ANKRD46: variants seen among roughly 807,000 people sequenced by gnomAD.
ANKRD46 encodes the protein ankyrin repeat domain 46.
In ANKRD46, 13 loss-of-function variants were observed where a neutral mutation model predicts 19.8. The observed-to-expected ratio is 0.66, with a 90% CI of 0.43 to 1.04. ANKRD46 has a LOEUF of 1.04. Ranked by LOEUF, ANKRD46 falls within the 50% of genes least tolerant of loss-of-function variation. The probability of loss-of-function intolerance (pLI) is 0.00; values close to 1 mark genes in which losing one functional copy is unlikely to be tolerated. For synonymous variants in ANKRD46, 91 were observed against 106.9 expected (o/e 0.85, Z 0.92); for missense variants, 185 against 274.8 (o/e 0.67, Z 2.31).
chr8:100,558,470 A>C (rs961559437), intron 1 of ANKRD46, among the ~76,000 whole-genome samples: 4 of 152,220 alleles, frequency 2.6e-5, no homozygotes, highest in African/African-American at 9.6e-5. Flanking sequence ...ATTCATCTCT[A>C]TTTCAAATCA....
chr8:100,516,642 T>C (rs945017637), downstream of ANKRD46, among the ~76,000 whole-genome samples: 1 of 152,218 alleles, frequency 6.6e-6, no homozygotes, highest in African/African-American at 2.4e-5. Flanking sequence ...TACAGTTGCT[T>C]GTGGTGAAAC....
chr8:100,510,617 C>T lies in ANKRD46; in HGVS notation c.659G>A (p.Ser220Asn). The T allele has an allele frequency of 6.5e-7, 1 of 1,535,530 alleles. No homozygotes were observed. The highest frequency in any genetic ancestry group is 1.2e-5 in the South Asian group (1 of 84,018). Residue 220 changes from serine to asparagine, a missense_variant, in exon 6 of 6, where the codon AGC (serine) becomes AAC (asparagine). Transcript: ENST00000520552. This position sits in a 1 kb window ranked among gnomAD's most constrained non-coding sequence, Gnocchi z 4.9. ...TCGGCTTCTGTCTTGCCTTGCAAAG[C>T]TTCCAAGCCTCAGTGTCCTTCTCTG...
At chr8:100,539,483 A>G (rs1451416971) in intron 1 of ANKRD46, among the ~76,000 whole-genome samples, 1 of 152,228 alleles carries the variant, frequency 6.6e-6, no homozygotes, top group African/African-American at 2.4e-5. Flanking sequence ...AAGGCTCAAT[A>G]ATAACAGAAG....
intron 1 of ANKRD46, among the ~76,000 whole-genome samples, chr8:100,547,701 G>T (rs1315975232): frequency 1.3e-5 from 2 of 152,160 alleles, no homozygotes; most frequent in Non-Finnish European, 2.9e-5. Flanking sequence ...TCTGCCAATG[G>T]TAACAATATC....
chr8:100,515,141 T>TC (rs1563923019), intron 5 of ANKRD46, among the ~76,000 whole-genome samples: 1 of 152,238 alleles, frequency 6.6e-6, no homozygotes, highest in East Asian at 1.9e-4. Flanking sequence ...CATTTTATAA[T>TC]CCCAGGGCTT....
Position 100,559,712 on chromosome 8 carries a change from T to TGCG in ANKRD46, c.-135_-133dup, listed in dbSNP as rs1812576421. 1 of 152,954 alleles carries TGCG rather than the reference T, an allele frequency of 6.5e-6. No homozygotes were observed. The highest frequency in any genetic ancestry group is 2.4e-5 in the African/African-American group (1 of 41,470). The allele number at this position is 152,954 out of a possible 1,614,324, so 9.5% of individuals were successfully genotyped here. ...GCCCACAGGCCCCGGGCCAAGTACC[T>TGCG]GCGACTCGAACGAGCAGCAGCGACA... On this transcript the variant is annotated splice_region_variant and 5_prime_UTR_variant, in exon 1 of 5. Coordinates refer to ENST00000335659, the MANE Select transcript of ANKRD46 (RefSeq NM_001270377.2). This position sits in a 1 kb window ranked among gnomAD's most constrained non-coding sequence, Gnocchi z 6.0.
chr8:100,540,685 G>A (rs1812158331), intron 1 of ANKRD46, among the ~76,000 whole-genome samples: 1 of 152,236 alleles, frequency 6.6e-6, no homozygotes, highest in Non-Finnish European at 1.5e-5. Flanking sequence ...CATTATTAAA[G>A]TTTAGTTACA....
rs570655589 is a variant in ANKRD46, at chr8:100,532,544, A to G, written c.-28+665T>C. ...ATGAGAAGAATTTACTCAATAAAAT[A>G]GTCAAGAATTCTTTTGCGAGGGTAA... On this transcript the variant is annotated intron_variant, in intron 2 of 4. Transcript: ENST00000335659. This position sits in a 1 kb window ranked among gnomAD's most constrained non-coding sequence, Gnocchi z 4.7. The G allele has an allele frequency of 1.3e-5, 2 of 152,340 alleles. No individual in the cohort carries two copies. Among genetic ancestry groups the G allele is most frequent in the Admixed American group, 1.3e-4 (2 of 15,306 alleles). The allele number at this position is 152,340 out of a possible 1,614,324, so 9.4% of individuals were successfully genotyped here. A position where few individuals can be genotyped will look rare whatever the true frequency, so the allele number is the denominator to read the frequency against.
intron 2 of ANKRD46, among the ~76,000 whole-genome samples, chr8:100,530,681 G>C (rs1811943018): frequency 6.6e-6 from 1 of 152,046 alleles, no homozygotes; most frequent in Non-Finnish European, 1.5e-5. Context: ...CACCGCGCCT[G>C]GCCTATAGCA....
rs537493080 is a variant in ANKRD46, at chr8:100,543,918, T to C, written c.-130-10607A>G. Among the ~76,000 whole-genome samples the C allele has an allele frequency of 5.3e-5, 8 of 152,310 alleles. No individual in the cohort carries two copies. The highest frequency in any genetic ancestry group is 1.5e-5 in the Non-Finnish European group (1 of 68,028). On this transcript the variant is annotated intron_variant, in intron 1 of 4. Coordinates refer to ENST00000335659, the MANE Select transcript of ANKRD46 (RefSeq NM_001270377.2). The surrounding 1 kb of genome is among the most constrained non-coding windows in gnomAD (Gnocchi z 4.2). ...TCTCTCTGGCCCAAATTTTTCTTTT[T>C]AATTATATTTTATTGGATGGTTTCA...
chr8:100,542,905 G>T (rs967062416), intron 1 of ANKRD46, among the ~76,000 whole-genome samples: 1 of 151,986 alleles, frequency 6.6e-6, no homozygotes, highest in Non-Finnish European at 1.5e-5. Context: ...ATAAGACAGC[G>T]AATTACAGCA....
At chr8:100,558,888 C>G (rs1018326800) in intron 1 of ANKRD46, 2 of 152,084 alleles carry the variant, frequency 1.3e-5, no homozygotes, top group African/African-American at 4.8e-5. Context: ...GGCACCGTGT[C>G]TGACATAAAA....
chr8:100,529,976 TG>T lies in ANKRD46; in HGVS notation c.-27-117del, dbSNP rs952412506. 10 of 684,414 alleles carry T rather than the reference TG, an allele frequency of 1.5e-5. No homozygotes were observed. The highest frequency in any genetic ancestry group is 1.3e-4 in the African/African-American group (7 of 55,498). The allele number at this position is 684,414 out of a possible 1,614,324, so 42.4% of individuals were successfully genotyped here. A position where few individuals can be genotyped will look rare whatever the true frequency, so the allele number is the denominator to read the frequency against. ...TGGCCTCCTGCCTCTAATAAATAAA[TG>T]ACCAAACAGAAACAACAACAAAGTT... On this transcript the variant is annotated intron_variant, in intron 2 of 4. Coordinates refer to ENST00000335659, the MANE Select transcript of ANKRD46 (RefSeq NM_001270377.2). This position sits in a 1 kb window ranked among gnomAD's most constrained non-coding sequence, Gnocchi z 5.8.
intron 1 of ANKRD46, among the ~76,000 whole-genome samples, chr8:100,548,640 T>A (rs187124718): frequency 6.6e-6 from 1 of 152,346 alleles, no homozygotes; most frequent in African/African-American, 2.4e-5. Context: ...TCTTTTCTGT[T>A]AAGTGAATGG....
rs1239818526 is a variant in ANKRD46 at position 100,550,838 on chromosome 8, G to A, written c.-131+8873C>T. The A allele has an allele frequency of 3.9e-5, 18 of 464,768 alleles. 1 individual carries two copies. Among genetic ancestry groups the A allele is most frequent in the South Asian group, 1.6e-4 (9 of 56,144 alleles). 28.8% of individuals were successfully genotyped at this position (464,768 alleles called of 1,614,324 possible). Reference sequence around the variant, plus strand: ...TGAGGGCAATGGCAGCCCCAGCATCGAAAGTGGAAGAGTGAGTGTCACTGT... The same window carrying A: ...TGAGGGCAATGGCAGCCCCAGCATCAAAAGTGGAAGAGTGAGTGTCACTGT... On this transcript the variant is annotated intron_variant, in intron 1 of 4. Transcript: ENST00000335659. This position sits in a 1 kb window ranked among gnomAD's most constrained non-coding sequence, Gnocchi z 4.4.
chr8:100,550,262 C>T lies in ANKRD46; in HGVS notation c.-131+9449G>A, dbSNP rs1018318541. Among the ~76,000 whole-genome samples, 4 of 152,144 alleles carry T rather than the reference C, an allele frequency of 2.6e-5. No individual in the cohort carries two copies. In the East Asian group the frequency reaches 5.8e-4, roughly 22 times the overall value. ...AAATTGTCTCCCAAAGTAGCTGTAC[C>T]ATTTGGCATTCCCACTAGCAATGAA... On this transcript the variant is annotated intron_variant, in intron 1 of 4. Coordinates refer to ENST00000335659, the MANE Select transcript of ANKRD46 (RefSeq NM_001270377.2). The surrounding 1 kb of genome is among the most constrained non-coding windows in gnomAD (Gnocchi z 4.4).
chr8:100,547,130 T>C (rs1812288678), intron 1 of ANKRD46, among the ~76,000 whole-genome samples: 1 of 152,122 alleles, frequency 6.6e-6, no homozygotes, highest in Non-Finnish European at 1.5e-5. Flanking sequence ...TGGGAAGGCA[T>C]GATTGGTTTT....
intron 4 of ANKRD46, 70 bp from the exon 5 acceptor site, chr8:100,522,841 GCTA>G (rs1811756221): frequency 1.6e-6 from 2 of 1,285,444 alleles, no homozygotes; most frequent in Non-Finnish European, 2.2e-6. Flanking sequence ...AAACCACAGG[GCTA>G]CTATTTAGAA....
rs986963165 is a variant in ANKRD46, at chr8:100,521,829, T to C, written c.*726A>G. On this transcript the variant is annotated 3_prime_UTR_variant, in exon 5 of 5. Coordinates refer to ENST00000335659, the MANE Select transcript of ANKRD46 (RefSeq NM_001270377.2). ...GAACTGTTATCTTTGATGACTAGGA[T>C]ACTCGGGAAAATTGGAAAGTGAACA... The C allele has an allele frequency of 1.0e-6, 1 of 985,170 alleles. No individual in the cohort carries two copies. Among genetic ancestry groups the C allele is most frequent in the Non-Finnish European group, 1.2e-6 (1 of 829,772 alleles). 61.0% of individuals were successfully genotyped at this position (985,170 alleles called of 1,614,324 possible). A position where few individuals can be genotyped will look rare whatever the true frequency, so the allele number is the denominator to read the frequency against.
Sources: allele counts gnomAD v4.1 joint callset (sites outside exome capture counted in the v4.1 genomes callset), GRCh38; gene constraint gnomAD v4.1.1; non-coding constraint Gnocchi (gnomAD v3.1); transcripts MANE v1.5; gene names NCBI Gene and HGNC (gene_info 2026-07-23, HGNC 2026-07-21).